XKR9: variants seen among roughly 807,000 people sequenced by gnomAD.
The protein encoded by XKR9 is XK-related protein 9.
Under a neutral mutation model 32.0 loss-of-function variants are expected in XKR9, and 32 were observed. The observed-to-expected ratio is 1.00, with a 90% CI of 0.76 to 1.34. XKR9 has a LOEUF of 1.34. Ranked by LOEUF, XKR9 falls within the 40% of genes most tolerant of loss-of-function variation. The pLI, the probability that XKR9 is intolerant of heterozygous loss-of-function variation, is 0.00. For synonymous variants in XKR9, 168 were observed against 143.4 expected, an observed-to-expected ratio of 1.17 and a Z score of -1.22; for missense variants, 546 against 429.7, an observed-to-expected ratio of 1.27 and a Z score of -2.39.
chr8:70,818,726 A>G, the XKR9 span, among the ~76,000 whole-genome samples: 61,256 of 152,016 alleles, frequency 0.4, 13,881 homozygotes, highest in Non-Finnish European at 0.52. Flanking sequence ...ATAGAGAAAT[A>G]TAACTAGGGG....
chr8:70,862,892 C>T, the XKR9 span, among the ~76,000 whole-genome samples: 2 of 151,988 alleles, frequency 1.3e-5, no homozygotes, highest in African/African-American at 4.8e-5. Context: ...AGGAAGGCTT[C>T]CTAGGAGGCA....
the XKR9 span, among the ~76,000 whole-genome samples, chr8:70,898,397 C>T: frequency 6.6e-6 from 1 of 152,066 alleles, no homozygotes; most frequent in Non-Finnish European, 1.5e-5. Context: ...TTTGGCTATT[C>T]TGGGTCTTTA....
chr8:70,939,919 A>G, the XKR9 span, among the ~76,000 whole-genome samples: 1 of 152,106 alleles, frequency 6.6e-6, no homozygotes, highest in Non-Finnish European at 1.5e-5. Flanking sequence ...TTAATCCACA[A>G]TTATTATTAT....
At chr8:70,960,537 T>C in the XKR9 span, among the ~76,000 whole-genome samples, 1 of 152,042 alleles carries the variant, frequency 6.6e-6, no homozygotes, top group Admixed American at 6.6e-5. Flanking sequence ...CTTTCCTTAC[T>C]CCTCCCCACT....
the XKR9 span, among the ~76,000 whole-genome samples, chr8:71,019,829 A>T: frequency 1.3e-5 from 2 of 152,196 alleles, no homozygotes; most frequent in Non-Finnish European, 2.9e-5. Context: ...ACCTCCAGGG[A>T]AGCACATATA....
At chr8:70,718,301 ATTAT>A (rs199960867) in intron 4 of XKR9, among the ~76,000 whole-genome samples, 1,600 of 144,638 alleles carry the variant, frequency 0.011, 29 homozygotes, top group African/African-American at 0.037. Flanking sequence ...ATTTATTTTT[ATTAT>A]TTATTTATTT....
intron 3 of XKR9, among the ~76,000 whole-genome samples, chr8:70,701,611 C>G (rs1428835517): frequency 6.6e-6 from 1 of 152,076 alleles, no homozygotes; most frequent in Admixed American, 6.6e-5. Context: ...TAGAACAGTT[C>G]ATAAAAATGG....
chr8:71,046,790 C>T, the XKR9 span, among the ~76,000 whole-genome samples: 1 of 152,136 alleles, frequency 6.6e-6, no homozygotes, highest in Non-Finnish European at 1.5e-5. Context: ...TTTCTCAGAT[C>T]GAGTGAATAT....
At chr8:71,031,860 T>C in the XKR9 span, among the ~76,000 whole-genome samples, 1 of 152,238 alleles carries the variant, frequency 6.6e-6, no homozygotes, top group Non-Finnish European at 1.5e-5. Flanking sequence ...AAAGTTAGTT[T>C]TTAAGAGGAT....
At chr8:70,897,080 C>T in the XKR9 span, among the ~76,000 whole-genome samples, 1 of 152,128 alleles carries the variant, frequency 6.6e-6, no homozygotes, top group Admixed American at 6.5e-5. Flanking sequence ...CCCTCTATCT[C>T]CATGAGTTCA....
At position 70,733,917 on chromosome 8, in the gene XKR9, T is replaced by C. The variant is rs1465039124; in HGVS notation, c.615T>C (p.Tyr205=). 7.4e-6 allele frequency: 12 copies of C among 1,612,958 alleles called. No homozygotes were observed. In the East Asian group the frequency reaches 1.6e-4, roughly 21 times the overall value. ...ATGGATTATGTCCCAAAATCACATA[T>C]CTCTTTTACAAGTTGTTTACATTAT... ...LLNGLCPKIT[Y]LFYKLFTLLS... Residue 205 remains tyrosine (Y), a synonymous_variant, in exon 5 of 5, where the codon TAT becomes TAC. Coordinates refer to ENST00000408926, the MANE Select transcript of XKR9 (RefSeq NM_001011720.2).
chr8:70,960,713 GA>G, the XKR9 span, among the ~76,000 whole-genome samples: 49 of 147,666 alleles, frequency 3.3e-4, no homozygotes, highest in East Asian at 4.0e-3. Context: ...ACAAAAAATA[GA>G]AAAAAAAAAT....
the XKR9 span, among the ~76,000 whole-genome samples, chr8:71,062,566 A>G: frequency 6.6e-6 from 1 of 152,182 alleles, no homozygotes; most frequent in South Asian, 2.1e-4. Context: ...TCCCTAGCAC[A>G]GAGAGAGACA....
the XKR9 span, among the ~76,000 whole-genome samples, chr8:71,002,208 C>T: frequency 6.6e-6 from 1 of 151,890 alleles, no homozygotes; most frequent in Non-Finnish European, 1.5e-5. Flanking sequence ...TTAATTCTAT[C>T]ATGTCCTAAT....
chr8:70,797,758 T>C, the XKR9 span, among the ~76,000 whole-genome samples: 2 of 152,160 alleles, frequency 1.3e-5, no homozygotes, highest in Non-Finnish European at 2.9e-5. Flanking sequence ...TTTGTGTCCA[T>C]GTGTAACCAG....
At chr8:70,987,384 G>A in the XKR9 span, among the ~76,000 whole-genome samples, 1 of 152,194 alleles carries the variant, frequency 6.6e-6, no homozygotes, top group South Asian at 2.1e-4. Flanking sequence ...TGCAGACACT[G>A]GGTAAATACA....
At chr8:70,803,445 T>G in the XKR9 span, among the ~76,000 whole-genome samples, 1 of 152,212 alleles carries the variant, frequency 6.6e-6, no homozygotes, top group Non-Finnish European at 1.5e-5. Context: ...TTCTGACATT[T>G]CAGCCATTTC....
chr8:70,792,520 C>T (rs1162808631), downstream of XKR9, among the ~76,000 whole-genome samples: 1 of 151,984 alleles, frequency 6.6e-6, no homozygotes, highest in Non-Finnish European at 1.5e-5. Context: ...ATCAATCAGT[C>T]AACAAAAGAA....
chr8:70,991,942 A>G, the XKR9 span, among the ~76,000 whole-genome samples: 3,192 of 152,004 alleles, frequency 0.021, 93 homozygotes, highest in African/African-American at 0.074. Context: ...ATCCATCCCA[A>G]CCCCATCTTG....
Sources: allele counts gnomAD v4.1 joint callset (sites outside exome capture counted in the v4.1 genomes callset), GRCh38; gene constraint gnomAD v4.1.1; transcripts MANE v1.5; gene names NCBI Gene and HGNC (gene_info 2026-07-23, HGNC 2026-07-21).